Variants in SAFB2 observed in about 807,000 individuals in gnomAD.
SAFB2 encodes the protein scaffold attachment factor B2.
A neutral mutation model predicts 100.6 loss-of-function variants in SAFB2; 32 were observed. The observed-to-expected ratio is 0.32, with a 90% CI of 0.24 to 0.43. The LOEUF (loss-of-function observed/expected upper bound fraction) is 0.43. Among genes scored for constraint, SAFB2 ranks in the 20% least tolerant of loss-of-function variants. The pLI is 1.00. For synonymous variants in SAFB2, 500 were observed against 439.4 expected (o/e 1.14, Z -1.72); for missense variants, 1,185 against 1,163.4 (o/e 1.02, Z -0.27).
intron 10 of SAFB2, 29 bp from the exon 11 acceptor site, chr19:5,604,724 T>C: frequency 6.2e-6 from 10 of 1,614,028 alleles, no homozygotes; most frequent in African/African-American, 1.3e-5. Flanking sequence ...AAATGATGTG[T>C]GGCCCAGAGC....
chr19:5,594,930 C>T (rs2145322497), intron 14 of SAFB2, among the ~76,000 whole-genome samples: 1 of 152,310 alleles, frequency 6.6e-6, no homozygotes, highest in South Asian at 2.1e-4. Context: ...CTCACTGCAG[C>T]CTTGAGCTTC....
At chr19:5,622,313 G>A (rs1261541243) in intron 1 of SAFB2, among the ~76,000 whole-genome samples, 2 of 152,194 alleles carry the variant, frequency 1.3e-5, no homozygotes, top group Non-Finnish European at 2.9e-5. Flanking sequence ...CGCTTGAGGA[G>A]AAAAGGTGGA....
At chr19:5,595,217 CGAG>C in intron 14 of SAFB2, 141 bp downstream of exon 14, 1 of 1,115,726 alleles carries the variant, frequency 9.0e-7, no homozygotes, top group Non-Finnish European at 1.3e-6. Flanking sequence ...GCCCCTGCCT[CGAG>C]GACCCAGGTT....
At chr19:5,613,836 G>A in intron 4 of SAFB2, 1 of 691,112 alleles carries the variant, frequency 1.4e-6, no homozygotes, top group Non-Finnish European at 1.8e-6. Context: ...TCCAATCACA[G>A]GATTTCCAAA....
rs918761688 is a variant in SAFB2 at position 5,587,786 on chromosome 19, C to T, written c.2639-19G>A. The T allele has an allele frequency of 1.9e-6, 3 of 1,553,590 alleles. No homozygotes were observed. Among genetic ancestry groups the T allele is most frequent in the Admixed American group, 2.0e-5 (1 of 50,956 alleles). On this transcript the variant is annotated intron_variant, in intron 19 of 20. Transcript: ENST00000252542. This position sits in a 1 kb window ranked among gnomAD's most constrained non-coding sequence, Gnocchi z 4.9. ...TCGCCACCTAGAAGAGAAGAAGGGTCTGCAAACACTCCGTTCCTGGGGAAG... is the reference window on the plus strand; with the variant it reads ...TCGCCACCTAGAAGAGAAGAAGGGTTTGCAAACACTCCGTTCCTGGGGAAG...
chr19:5,612,441 C>T (rs2052928313), intron 6 of SAFB2, 99 bp downstream of exon 6: 1 of 1,087,846 alleles, frequency 9.2e-7, no homozygotes, highest in South Asian at 1.3e-5. Flanking sequence ...ACCATTAGAG[C>T]AATTTACAAG....
chr19:5,600,205 C>A lies in SAFB2; in HGVS notation c.1615G>T (p.Asp539Tyr), dbSNP rs774630971. 1.2e-6 allele frequency: 2 copies of A among 1,613,968 alleles called. No homozygotes were observed. Among genetic ancestry groups the A allele is most frequent in the East Asian group, 4.5e-5 (2 of 44,878 alleles). The change falls in exon 12 of 21, where the codon GAC (aspartate) becomes TAC (tyrosine). Residue 539 changes from aspartate (D) to tyrosine (Y), a missense_variant. By Grantham distance (160) the Asp-to-Tyr change is radical. Around this residue, in one of 3 missense-constraint regions of SAFB2, gnomAD observed 740 missense variants for 687.1 expected, o/e 1.08. Coordinates refer to ENST00000252542, the MANE Select transcript of SAFB2 (RefSeq NM_014649.3). ...IEKKEEKKPE[D>Y]IKKEEKDQDE... ...TGGTCTTTTTCTTCCTTCTTAATGT[C>A]TTCAGGCTTTTTTTCCTCCTTCTTC... is the stretch of plus-strand genomic sequence containing the variant.
intron 13 of SAFB2, among the ~76,000 whole-genome samples, chr19:5,597,077 C>T (rs932381238): frequency 2.0e-5 from 3 of 152,194 alleles, no homozygotes; most frequent in African/African-American, 7.2e-5. Flanking sequence ...CTTACACACA[C>T]TGCAGTAGAA....
intron 2 of SAFB2, among the ~76,000 whole-genome samples, chr19:5,620,521 T>C (rs1254692156): frequency 6.6e-6 from 1 of 152,240 alleles, no homozygotes; most frequent in Non-Finnish European, 1.5e-5. Flanking sequence ...TATCAATACA[T>C]GTTACAACAC....
At chr19:5,607,446 T>C (rs1054581517) in intron 9 of SAFB2, among the ~76,000 whole-genome samples, 1 of 152,150 alleles carries the variant, frequency 6.6e-6, no homozygotes, top group African/African-American at 2.4e-5. Flanking sequence ...ACAGAGTTCT[T>C]GCACTACGCT....
chr19:5,587,088 T>TA lies in SAFB2; in HGVS notation c.*154dup, dbSNP rs761417725. On this transcript the variant is annotated 3_prime_UTR_variant, in exon 21 of 21. Coordinates refer to ENST00000252542, the MANE Select transcript of SAFB2 (RefSeq NM_014649.3). The surrounding 1 kb of genome is among the most constrained non-coding windows in gnomAD (Gnocchi z 4.9). The stretch of plus-strand genomic sequence containing the variant: ...ATGGCAGAACAAGAACACATTTATT[T>TA]AAAAAAAAAAAAAAAGTGAGTTCAC... The TA allele has an allele frequency of 0.12, 91,017 of 772,442 alleles. 616 individuals carry two copies. Among genetic ancestry groups the TA allele is most frequent in the African/African-American group, 0.16 (9,002 of 54,980 alleles). The allele number at this position is 772,442 out of a possible 1,614,324, so 47.8% of individuals were successfully genotyped here. A position where few individuals can be genotyped will look rare whatever the true frequency, so the allele number is the denominator to read the frequency against.
chr19:5,590,129 A>G, intron 18 of SAFB2, 149 bp downstream of exon 18: 2 of 661,668 alleles, frequency 3.0e-6, no homozygotes, highest in Non-Finnish European at 4.8e-6. Flanking sequence ...GGACTTTCTG[A>G]GTCAGGGGTT....
intron 2 of SAFB2, among the ~76,000 whole-genome samples, chr19:5,619,040 G>T (rs746742516): frequency 6.6e-6 from 1 of 152,176 alleles, no homozygotes; most frequent in African/African-American, 2.4e-5. Flanking sequence ...GCAGTTACTG[G>T]TGAGTTCCCA....
intron 16 of SAFB2, 110 bp from the exon 17 acceptor site, chr19:5,591,903 C>G: frequency 9.7e-7 from 1 of 1,031,674 alleles, no homozygotes; most frequent in Non-Finnish European, 1.5e-6. Flanking sequence ...CACATAAAAA[C>G]TATAACTGGC....
intron 17 of SAFB2, among the ~76,000 whole-genome samples, chr19:5,590,797 A>G (rs1049672742): frequency 6.6e-6 from 1 of 152,184 alleles, no homozygotes; most frequent in East Asian, 1.9e-4. Flanking sequence ...TGGCAGGGCC[A>G]CAATTCCGGC....
At chr19:5,614,295 A>G (rs933442012) in intron 4 of SAFB2, among the ~76,000 whole-genome samples, 8 of 152,162 alleles carry the variant, frequency 5.3e-5, no homozygotes, top group Admixed American at 5.2e-4. Context: ...AACTTGGTCA[A>G]TTTCTCTCTT....
In SAFB2 at chr19:5,617,004, C is replaced by CT. The variant is rs199994020; in HGVS notation, c.275-519dup. ...AGGGAGATGAAAATCTAGGATTCCT[C>CT]TTAGATTCAGAGTACTCTGATTTTC... On this transcript the variant is annotated intron_variant, in intron 2 of 20. Transcript: ENST00000252542. Among the ~76,000 whole-genome samples, 11 of 152,158 alleles carry CT rather than the reference C, an allele frequency of 7.2e-5. No individual in the cohort carries two copies. In the East Asian group the frequency reaches 2.1e-3, roughly 29 times the overall value.
At chr19:5,610,735 G>A in intron 7 of SAFB2, 47 bp from the exon 8 acceptor site, 1 of 1,296,936 alleles carries the variant, frequency 7.7e-7, no homozygotes, top group Non-Finnish European at 1.1e-6. Context: ...AAACGAAAGA[G>A]AACAAAACTA....
intron 1 of SAFB2, 92 bp downstream of exon 1, chr19:5,622,438 A>G: frequency 7.6e-7 from 1 of 1,319,216 alleles, no homozygotes; most frequent in Non-Finnish European, 9.9e-7. Context: ...GGGCGAACCC[A>G]GGGCGCCCCG....
Sources: gnomAD v4.1 joint callset for allele counts (sites outside exome capture counted in the v4.1 genomes callset) on GRCh38, gnomAD v4.1.1 for gene constraint, gnomAD v4.1.1 regional missense constraint, Gnocchi (gnomAD v3.1) non-coding constraint, MANE v1.5 for transcripts, NCBI Gene and HGNC (gene_info 2026-07-23, HGNC 2026-07-21) for gene names.